Variants in RIMS1 observed in about 807,000 individuals in gnomAD.
RIMS1 encodes regulating synaptic membrane exocytosis 1.
A neutral mutation model predicts 214.1 loss-of-function variants in RIMS1; 83 were observed. The observed-to-expected ratio is 0.39, with a 90% CI of 0.32 to 0.47. The LOEUF (loss-of-function observed/expected upper bound fraction) is 0.47. Ranked by LOEUF, RIMS1 falls within the 20% of genes least tolerant of loss-of-function variation. RIMS1 has a pLI of 0.99. For missense variants in RIMS1, 2,050 were observed against 2,161.8 expected (o/e 0.95, Z 1.03); for synonymous variants, 793 against 786.8 (o/e 1.01, Z -0.13).
chr6:71,944,749 G>A (rs181082914), intron 1 of RIMS1, among the ~76,000 whole-genome samples: 26 of 152,290 alleles, frequency 1.7e-4, no homozygotes. Flanking sequence ...TAGAAATCAT[G>A]TGAGATGTCG....
At chr6:71,927,827 T>C (rs929175694) in intron 1 of RIMS1, among the ~76,000 whole-genome samples, 6 of 152,202 alleles carry the variant, frequency 3.9e-5, no homozygotes, top group African/African-American at 1.4e-4. Context: ...ATTTGAAAAA[T>C]AGAATTCAAT....
intron 6 of RIMS1, chr6:72,216,333 A>G: frequency 2.6e-6 from 1 of 383,640 alleles, no homozygotes; most frequent in Non-Finnish European, 3.6e-6. Context: ...TAAAAATATC[A>G]GAAATACGAG....
chr6:72,189,559 T>G (rs531588050), intron 6 of RIMS1, among the ~76,000 whole-genome samples: 130 of 152,332 alleles, frequency 8.5e-4, no homozygotes, highest in African/African-American at 3.0e-3. Context: ...CTTTCCATGA[T>G]GGAAGAGGTC....
intron 2 of RIMS1, among the ~76,000 whole-genome samples, chr6:71,969,264 G>A (rs1795221747): frequency 6.6e-6 from 1 of 152,210 alleles, no homozygotes; most frequent in Non-Finnish European, 1.5e-5. Flanking sequence ...ATACCATATT[G>A]AAAGGATTAA....
chr6:72,369,045 A>AAG (rs1314028388), intron 29 of RIMS1, among the ~76,000 whole-genome samples: 2 of 150,666 alleles, frequency 1.3e-5, no homozygotes, highest in Non-Finnish European at 3.0e-5. Flanking sequence ...AGGGAGTAGG[A>AAG]AGAGGTAAAT....
intron 29 of RIMS1, among the ~76,000 whole-genome samples, chr6:72,353,937 T>A (rs1233092640): frequency 6.6e-6 from 1 of 152,092 alleles, no homozygotes; most frequent in African/African-American, 2.4e-5. Context: ...ACCCAGGCTT[T>A]GGCCGGGCAC....
At position 72,378,447 on chromosome 6, in the gene RIMS1, A is replaced by G. The variant is rs569128062; in HGVS notation, c.4367-12151A>G. On this transcript the variant is annotated intron_variant, in intron 29 of 33. Transcript: ENST00000521978. ...TTTGTGACCTAAAACCCTCTCTTCT[A>G]TCTATAACTTGTGCAGTACAGTCAT... is the stretch of plus-strand genomic sequence containing the variant. Among the ~76,000 whole-genome samples, 20 of 152,316 alleles carry G rather than the reference A, an allele frequency of 1.3e-4. No homozygotes were observed. The East Asian group carries it at 3.5e-3, about 26-fold the overall frequency.
chr6:72,003,105 A>T (rs909251194), intron 2 of RIMS1, among the ~76,000 whole-genome samples: 1 of 152,182 alleles, frequency 6.6e-6, no homozygotes, highest in African/African-American at 2.4e-5. Flanking sequence ...GTAGGGGAAG[A>T]GATGAGGGAG....
chr6:72,243,604 T>G (rs2067986452), intron 10 of RIMS1, among the ~76,000 whole-genome samples: 1 of 151,814 alleles, frequency 6.6e-6, no homozygotes, highest in African/African-American at 2.4e-5. Context: ...AGCTAAAGTT[T>G]AGAATCAAGC....
chr6:72,328,505 G>A (rs1388677679), intron 28 of RIMS1, among the ~76,000 whole-genome samples: 2 of 151,598 alleles, frequency 1.3e-5, no homozygotes, highest in African/African-American at 4.8e-5. Flanking sequence ...TAGCTACTAT[G>A]TACCCATGAA....
chr6:72,220,665 A>AT (rs1341305428), intron 6 of RIMS1, among the ~76,000 whole-genome samples: 2 of 152,114 alleles, frequency 1.3e-5, no homozygotes, highest in African/African-American at 4.8e-5. Context: ...TCATAAACAA[A>AT]TACACCCAAA....
chr6:72,356,201 T>C (rs1263912719), intron 29 of RIMS1, among the ~76,000 whole-genome samples: 2 of 152,060 alleles, frequency 1.3e-5, no homozygotes, highest in African/African-American at 4.8e-5. Context: ...CTTTGGAACG[T>C]ATGAACTAAA....
chr6:72,194,191 C>T (rs946590899), intron 6 of RIMS1, among the ~76,000 whole-genome samples: 1 of 152,062 alleles, frequency 6.6e-6, no homozygotes, highest in Non-Finnish European at 1.5e-5. Flanking sequence ...AAATTCAATG[C>T]AATTCCTATG....
chr6:72,012,109 A>G (rs1810874680), intron 2 of RIMS1, among the ~76,000 whole-genome samples: 1 of 152,250 alleles, frequency 6.6e-6, no homozygotes, highest in Admixed American at 6.5e-5. Context: ...GACTGCATAA[A>G]GAAAATGTGG....
chr6:72,348,062 T>C (rs2097325493), intron 29 of RIMS1, among the ~76,000 whole-genome samples: 1 of 151,932 alleles, frequency 6.6e-6, no homozygotes, highest in Admixed American at 6.6e-5. Context: ...CAAATGGTAA[T>C]TAATTGATCA....
intron 29 of RIMS1, chr6:72,366,795 A>C (rs1313119816): frequency 1.0e-6 from 1 of 985,704 alleles, no homozygotes; most frequent in Non-Finnish European, 1.2e-6. Flanking sequence ...ACCAGGTCAA[A>C]GCTTCTTTGG....
chr6:72,299,061 T>A (rs2094372505), intron 26 of RIMS1, among the ~76,000 whole-genome samples: 1 of 151,956 alleles, frequency 6.6e-6, no homozygotes, highest in South Asian at 2.1e-4. Context: ...TAAGCCAATT[T>A]TTCCCTCTCT....
At chr6:72,386,859 G>A (rs375431399) in intron 29 of RIMS1, among the ~76,000 whole-genome samples, 3 of 148,858 alleles carry the variant, frequency 2.0e-5, no homozygotes, top group African/African-American at 2.5e-5. Context: ...TGAGCCTCCC[G>A]AGTAGCTGGG....
intron 4 of RIMS1, among the ~76,000 whole-genome samples, chr6:72,111,194 C>G (rs1421047426): frequency 6.6e-6 from 1 of 152,080 alleles, no homozygotes; most frequent in Non-Finnish European, 1.5e-5. Flanking sequence ...GCATGTCTTT[C>G]TTTATCCTTG....
Sources: gnomAD v4.1 joint callset for allele counts (sites outside exome capture counted in the v4.1 genomes callset) on GRCh38, gnomAD v4.1.1 for gene constraint, MANE v1.5 for transcripts, NCBI Gene and HGNC (gene_info 2026-07-23, HGNC 2026-07-21) for gene names.